TRAP1: variants seen among roughly 807,000 people sequenced by gnomAD.
TRAP1 encodes the protein heat shock protein 75 kDa, mitochondrial.
A neutral mutation model predicts 89.1 loss-of-function variants in TRAP1; 102 were observed. The observed-to-expected ratio is 1.15, with a 90% CI of 0.98 to 1.35. The LOEUF is 1.35. Ranked by LOEUF, TRAP1 falls within the 40% of genes most tolerant of loss-of-function variation. The pLI, the probability that TRAP1 is intolerant of heterozygous loss-of-function variation, is 0.00. For synonymous variants in TRAP1, 508 were observed against 388.0 expected, an observed-to-expected ratio of 1.31 and a Z score of -3.64; for missense variants, 1,256 against 945.3, an observed-to-expected ratio of 1.33 and a Z score of -4.31.
chr16:3,664,624 G>C, intron 12 of TRAP1, 165 bp from the exon 13 acceptor site: 1 of 711,556 alleles, frequency 1.4e-6, no homozygotes, highest in Admixed American at 3.2e-5. Flanking sequence ...AGCAGGCCTT[G>C]CTCTGCCCAT....
Position 3,677,774 on chromosome 16 carries a change from C to A in TRAP1, c.544-116G>T, listed in dbSNP as rs1160091929. 6 of 1,250,588 alleles carry A rather than the reference C, an allele frequency of 4.8e-6. No individual in the cohort carries two copies. In the East Asian group the frequency reaches 1.0e-4, roughly 21 times the overall value. The allele number at this position is 1,250,588 out of a possible 1,614,324, so 77.5% of individuals were successfully genotyped here. On this transcript the variant is annotated intron_variant, in intron 5 of 17. Transcript: ENST00000246957. The stretch of plus-strand genomic sequence containing the variant: ...CCCCTTCATCCTGAAAACAGCCACA[C>A]CGAGTACTTTTCCACCCCATTCTAC...
intron 1 of TRAP1, among the ~76,000 whole-genome samples, chr16:3,702,718 C>T (rs912648164): frequency 3.3e-5 from 5 of 151,418 alleles, no homozygotes; most frequent in Admixed American, 6.6e-5. Context: ...GCACTCTAGC[C>T]TGGGTGACAA....
chr16:3,661,809 C>G (rs2043091841), intron 16 of TRAP1, 178 bp downstream of exon 16: 1 of 724,966 alleles, frequency 1.4e-6, no homozygotes, highest in African/African-American at 1.8e-5. Context: ...TGGTAAGGGG[C>G]TGGCCAGGTT....
chr16:3,683,405 A>G (rs1432220387), intron 4 of TRAP1, among the ~76,000 whole-genome samples: 1 of 143,846 alleles, frequency 7.0e-6, no homozygotes, highest in Non-Finnish European at 1.5e-5. Flanking sequence ...TTTTTTTTTG[A>G]GACGAGTTTC....
rs1161432761 is a variant in TRAP1, at chr16:3,717,523, G to T, written c.-15C>A. ...TCGCGCGCCATGTCGTACTCCCAGA[G>T]CGCCGCGCGCAGCCACGCGGGACCG... On this transcript the variant is annotated 5_prime_UTR_variant, in exon 1 of 18. Coordinates refer to ENST00000246957, the MANE Select transcript of TRAP1 (RefSeq NM_016292.3). The T allele has an allele frequency of 7.4e-6, 10 of 1,355,040 alleles. No individual in the cohort carries two copies. The South Asian group carries it at 1.5e-4, about 21-fold the overall frequency. The allele number at this position is 1,355,040 out of a possible 1,614,324, so 83.9% of individuals were successfully genotyped here.
In TRAP1 at chr16:3,666,105, C is replaced by T. The variant is rs566703268; in HGVS notation, c.1249G>A (p.Val417Ile). The T allele has an allele frequency of 3.7e-6, 6 of 1,610,808 alleles. No homozygotes were observed. The highest frequency in any genetic ancestry group is 1.1e-5 in the South Asian group (1 of 90,522). ...AATTTGATCAGCCTCTGCTGTAAAA[C>T]GTCCCGGAGTTTCCTACAGAAAAGA... Reference protein sequence around the residue: ...ESALIRKLRDVLQQRLIKFFI... With the variant: ...ESALIRKLRDILQQRLIKFFI... Residue 417 changes from valine (V) to isoleucine (I), a missense_variant, in exon 12 of 18, where the codon GTT (valine) becomes ATT (isoleucine). Transcript: ENST00000246957.
intron 1 of TRAP1, among the ~76,000 whole-genome samples, chr16:3,713,881 C>T (rs920765404): frequency 6.6e-6 from 1 of 152,210 alleles, no homozygotes; most frequent in Non-Finnish European, 1.5e-5. Flanking sequence ...ACACACCAGG[C>T]CCAGGGCTGG....
chr16:3,687,605 C>T (rs546618961), intron 3 of TRAP1, among the ~76,000 whole-genome samples: 10 of 152,062 alleles, frequency 6.6e-5, no homozygotes, highest in African/African-American at 2.2e-4. Flanking sequence ...TGAGAGAGGC[C>T]GGGTGTGGTG....
chr16:3,685,638 C>T (rs539279218), intron 4 of TRAP1, among the ~76,000 whole-genome samples: 4 of 152,132 alleles, frequency 2.6e-5, no homozygotes, highest in East Asian at 1.9e-4. Flanking sequence ...ACTGCTTCGT[C>T]GGCATTTTGA....
chr16:3,664,529 G>T, intron 12 of TRAP1, 70 bp from the exon 13 acceptor site: 1 of 1,490,610 alleles, frequency 6.7e-7, no homozygotes, highest in Non-Finnish European at 9.0e-7. Flanking sequence ...CTAACTGGGC[G>T]CAAACCCTCC....
intron 1 of TRAP1, among the ~76,000 whole-genome samples, chr16:3,704,674 G>T (rs1438547505): frequency 6.6e-6 from 1 of 152,002 alleles, no homozygotes; most frequent in African/African-American, 2.4e-5. Context: ...GTAACATAGG[G>T]AGACCCCCCC....
At chr16:3,695,185 G>A (rs890576431) in intron 1 of TRAP1, among the ~76,000 whole-genome samples, 2 of 152,152 alleles carry the variant, frequency 1.3e-5, no homozygotes, top group Non-Finnish European at 2.9e-5. Context: ...ACATTCACAG[G>A]TACTGAGAGC....
chr16:3,694,934 TGGGA>T (rs1193426082), intron 1 of TRAP1, among the ~76,000 whole-genome samples: 1 of 152,160 alleles, frequency 6.6e-6, no homozygotes, highest in African/African-American at 2.4e-5. Flanking sequence ...CTCCTGAGGC[TGGGA>T]GGGAGGGTCT....
Position 3,662,889 on chromosome 16 carries a change from T to G in TRAP1, c.1787A>C (p.Asn596Thr). Residue 596 changes from asparagine to threonine, a missense_variant, in exon 15 of 18, where the codon AAC becomes ACC. Asn to Thr is a moderately conservative substitution (Grantham distance 65). Transcript: ENST00000246957. ...MRNVLGSRVT[N>T]VKVTLRLDTH... ...TCCCCGGGAAAGCCTCACCTTCACG[T>G]TGGTGACACGCGACCCCAGCACATT... 6.2e-7 allele frequency: 1 copy of G among 1,613,570 alleles called. No individual in the cohort carries two copies. The highest frequency in any genetic ancestry group is 8.5e-7 in the Non-Finnish European group (1 of 1,179,966).
intron 1 of TRAP1, among the ~76,000 whole-genome samples, chr16:3,699,369 G>A (rs2051333754): frequency 6.6e-6 from 1 of 152,184 alleles, no homozygotes; most frequent in Non-Finnish European, 1.5e-5. Flanking sequence ...CAGGCGCAGT[G>A]GCTCACACCA....
intron 1 of TRAP1, among the ~76,000 whole-genome samples, chr16:3,710,748 A>ACGTC (rs1458563671): frequency 1.3e-5 from 2 of 151,934 alleles, no homozygotes; most frequent in African/African-American, 4.8e-5. Flanking sequence ...CATTAGAAGG[A>ACGTC]CCCACGTCCT....
At chr16:3,684,640 A>C (rs1198502239) in intron 4 of TRAP1, among the ~76,000 whole-genome samples, 2 of 152,090 alleles carry the variant, frequency 1.3e-5, no homozygotes, top group Admixed American at 1.3e-4. Flanking sequence ...AAATACAAAA[A>C]TTAGTTGGGC....
At chr16:3,708,042 C>G (rs1343575450) in intron 1 of TRAP1, among the ~76,000 whole-genome samples, 1 of 151,880 alleles carries the variant, frequency 6.6e-6, no homozygotes, top group African/African-American at 2.4e-5. Context: ...TTTTAATTAG[C>G]CAGGCATGGT....
At chr16:3,658,740 T>A in intron 17 of TRAP1, 53 bp downstream of exon 17, 2 of 1,541,398 alleles carry the variant, frequency 1.3e-6, no homozygotes, top group Non-Finnish European at 1.8e-6. Context: ...GAAGGCAGGC[T>A]GGCAGGGCTG....
Sources: gnomAD v4.1 joint callset for allele counts (sites outside exome capture counted in the v4.1 genomes callset) on GRCh38, gnomAD v4.1.1 for gene constraint, MANE v1.5 for transcripts, NCBI Gene and HGNC (gene_info 2026-07-23, HGNC 2026-07-21) for gene names.